GGT5: variants seen among roughly 807,000 people sequenced by gnomAD.
GGT5 encodes gamma-glutamyltransferase 5.
A neutral mutation model predicts 58.1 loss-of-function variants in GGT5; 50 were observed. That is an observed-to-expected ratio of 0.86 (90% CI 0.69 to 1.09). The LOEUF (loss-of-function observed/expected upper bound fraction) is 1.09. Among genes scored for constraint, GGT5 ranks in the 50% least tolerant of loss-of-function variants. GGT5 has a pLI of 0.00. For missense variants in GGT5, 800 were observed against 789.4 expected, an observed-to-expected ratio of 1.01 and a Z score of -0.16; for synonymous variants, 370 against 346.1, an observed-to-expected ratio of 1.07 and a Z score of -0.77.
rs2048205675 is a variant in GGT5, at chr22:24,238,828, TA to T, written c.174-4825del. 9.0e-4 allele frequency among the ~76,000 whole-genome samples: 10 copies of T among 11,148 alleles called. 2 individuals carry two copies. The highest frequency in any genetic ancestry group is 2.4e-3 in the South Asian group (1 of 410). 7.3% of individuals were successfully genotyped at this position (11,148 alleles called of 152,430 possible). A position where few individuals can be genotyped will look rare whatever the true frequency, so the allele number is the denominator to read the frequency against. On this transcript the variant is annotated intron_variant, in intron 1 of 11. Transcript: ENST00000327365. ...ATATAATATATTATATATATATATA[TA>T]TATTTATATATATATATTATATATA...
chr22:24,243,630 C>T (rs28581334), intron 1 of GGT5: 9,719 of 152,396 alleles, frequency 0.064, 1,051 homozygotes, highest in African/African-American at 0.22. Flanking sequence ...GGAGGCTTGC[C>T]CTGGCTTTTG....
At chr22:24,233,461 TG>T in intron 3 of GGT5, 36 bp downstream of exon 3, 22 of 1,202,774 alleles carry the variant, frequency 1.8e-5, no homozygotes, top group East Asian at 7.1e-5. Flanking sequence ...CCTAGTGGCC[TG>T]GGGGGTGGGA....
At position 24,238,853 on chromosome 22, in the gene GGT5, T is replaced by C. The variant is rs1325047788; in HGVS notation, c.174-4849A>G. On this transcript the variant is annotated intron_variant, in intron 1 of 11. Coordinates refer to ENST00000327365, the MANE Select transcript of GGT5 (RefSeq NM_004121.5). ...TATATTTATATATATATATTATATA[T>C]ATTATATATATAATATATATAATAT... 4.5e-3 allele frequency among the ~76,000 whole-genome samples: 65 copies of C among 14,298 alleles called. 9 individuals carry two copies. The highest frequency in any genetic ancestry group is 0.056 in the Middle Eastern group (1 of 18). The allele number at this position is 14,298 out of a possible 152,430, so 9.4% of individuals were successfully genotyped here.
intron 1 of GGT5, among the ~76,000 whole-genome samples, chr22:24,235,494 A>T (rs952235124): frequency 2.6e-5 from 4 of 152,032 alleles, no homozygotes; most frequent in Non-Finnish European, 5.9e-5. Flanking sequence ...GTCCTGACCT[A>T]GCATGTCCAT....
At chr22:24,221,450 G>A (rs558194685) in intron 11 of GGT5, among the ~76,000 whole-genome samples, 1 of 152,222 alleles carries the variant, frequency 6.6e-6, no homozygotes, top group African/African-American at 2.4e-5. Context: ...CCCCACCCAG[G>A]AACGGACTCA....
rs1382703044 is a variant in GGT5 at position 24,228,064 on chromosome 22, A to C, written c.902-1297T>G. The stretch of plus-strand genomic sequence containing the variant: ...ACTCTGTCTCAAAAAAAAAAAAAAA[A>C]AACAAAACAAAAAAAAAAAAACTCT... On this transcript the variant is annotated intron_variant, in intron 6 of 11. Coordinates refer to ENST00000327365, the MANE Select transcript of GGT5 (RefSeq NM_004121.5). 1.1e-3 allele frequency among the ~76,000 whole-genome samples: 96 copies of C among 90,494 alleles called. 2 individuals carry two copies. Among genetic ancestry groups the C allele is most frequent in the South Asian group, 1.8e-3 (6 of 3,298 alleles). 59.4% of individuals were successfully genotyped at this position (90,494 alleles called of 152,430 possible). A position where few individuals can be genotyped will look rare whatever the true frequency, so the allele number is the denominator to read the frequency against.
chr22:24,236,396 C>G (rs187939045), intron 1 of GGT5, among the ~76,000 whole-genome samples: 2 of 152,200 alleles, frequency 1.3e-5, no homozygotes, highest in East Asian at 1.9e-4. Context: ...CCACCAACCT[C>G]TCTCAGCTGG....
Position 24,228,060 on chromosome 22 carries a change from A to C in GGT5, c.902-1293T>G, listed in dbSNP as rs1308666017. Among the ~76,000 whole-genome samples the C allele has an allele frequency of 2.4e-4, 31 of 130,892 alleles. 1 individual carries two copies. The highest frequency in any genetic ancestry group is 8.5e-4 in the Admixed American group (11 of 12,954). 85.9% of individuals were successfully genotyped at this position (130,892 alleles called of 152,430 possible). On this transcript the variant is annotated intron_variant, in intron 6 of 11. Transcript: ENST00000327365. ...CAAGACTCTGTCTCAAAAAAAAAAA[A>C]AAAAAACAAAACAAAAAAAAAAAAA...
In GGT5 at chr22:24,228,059, A is replaced by C. The variant is rs1268767713; in HGVS notation, c.902-1292T>G. Among the ~76,000 whole-genome samples, 222 of 129,496 alleles carry C rather than the reference A, an allele frequency of 1.7e-3. 9 individuals carry two copies. The highest frequency in any genetic ancestry group is 4.8e-3 in the Admixed American group (63 of 13,104). 85.0% of individuals were successfully genotyped at this position (129,496 alleles called of 152,430 possible). Reference sequence around the variant, plus strand: ...GCAAGACTCTGTCTCAAAAAAAAAAAAAAAAAACAAAACAAAAAAAAAAAA... The same window carrying C: ...GCAAGACTCTGTCTCAAAAAAAAAACAAAAAAACAAAACAAAAAAAAAAAA... On this transcript the variant is annotated intron_variant, in intron 6 of 11. Coordinates refer to ENST00000327365, the MANE Select transcript of GGT5 (RefSeq NM_004121.5).
intron 2 of GGT5, 76 bp downstream of exon 2, chr22:24,233,798 G>T: frequency 1.4e-6 from 2 of 1,411,004 alleles, no homozygotes; most frequent in Non-Finnish European, 1.0e-6. Context: ...TGAGTTGATG[G>T]GACTGGCTGG....
chr22:24,234,442 C>G lies in GGT5; in HGVS notation c.174-438G>C, dbSNP rs576321689. On this transcript the variant is annotated intron_variant, in intron 1 of 11. Transcript: ENST00000327365. ...TCAAGGCTGGCCTTTGGCAGGTGAT[C>G]CCAGGATCCTTCCCTGCCAGCAGGG... is the stretch of plus-strand genomic sequence containing the variant. Among the ~76,000 whole-genome samples, 3 of 152,306 alleles carry G rather than the reference C, an allele frequency of 2.0e-5. No individual in the cohort carries two copies. The East Asian group carries it at 5.8e-4, about 29-fold the overall frequency.
intron 11 of GGT5, among the ~76,000 whole-genome samples, chr22:24,222,858 A>G (rs2045639558): frequency 6.6e-6 from 1 of 152,060 alleles, no homozygotes; most frequent in Non-Finnish European, 1.5e-5. Flanking sequence ...CGGGCGGATC[A>G]CAAGGTCAGG....
In GGT5 at chr22:24,244,054, G is replaced by A. The variant is rs550279267; in HGVS notation, c.173+499C>T. 4.9e-4 allele frequency: 78 copies of A among 159,314 alleles called. 1 individual carries two copies. The highest frequency in any genetic ancestry group is 3.2e-3 in the Middle Eastern group (1 of 308). 9.9% of individuals were successfully genotyped at this position (159,314 alleles called of 1,614,324 possible). On this transcript the variant is annotated intron_variant, in intron 1 of 11. Transcript: ENST00000327365. ...TGGCCTCACTGAAGGGGCCTGCACCGGCCAGCAGGGTCAGGCGGGGCCAGA... is the reference window on the plus strand; with the variant it reads ...TGGCCTCACTGAAGGGGCCTGCACCAGCCAGCAGGGTCAGGCGGGGCCAGA...
rs369330253 is a variant in GGT5, at chr22:24,244,565, G to C, written c.161C>G (p.Ser54Trp). Residue 54 changes from serine (S) to tryptophan (W), a missense_variant, in exon 1 of 12, where the codon TCG becomes TGG. Ser to Trp is a radical substitution (Grantham distance 177, BLOSUM62 -3). Coordinates refer to ENST00000327365, the MANE Select transcript of GGT5 (RefSeq NM_004121.5). ...ACGTCTCACTCACCGTCCAATATCC[G>C]AGCAGACCTTGGAGTCGGCGGCAAC... is the stretch of plus-strand genomic sequence containing the variant. ...AAVAADSKVC[S>W]DIGRAILQQQ... 7 of 1,611,830 alleles carry C rather than the reference G, an allele frequency of 4.3e-6. No homozygotes were observed. Among genetic ancestry groups the C allele is most frequent in the Non-Finnish European group, 5.9e-6 (7 of 1,179,710 alleles).
intron 6 of GGT5, among the ~76,000 whole-genome samples, chr22:24,227,926 G>A (rs1569358484): frequency 1.3e-5 from 2 of 151,534 alleles, no homozygotes; most frequent in African/African-American, 2.4e-5. Flanking sequence ...GTGGGTGCCT[G>A]TAACCCCAGC....
Position 24,220,433 on chromosome 22 carries a change from C to G in GGT5, c.1615-317G>C, listed in dbSNP as rs1381508591. The G allele has an allele frequency of 3.7e-5, 19 of 514,752 alleles. 1 individual carries two copies. Among genetic ancestry groups the G allele is most frequent in the South Asian group, 2.9e-4 (19 of 65,014 alleles). 31.9% of individuals were successfully genotyped at this position (514,752 alleles called of 1,614,324 possible). A position where few individuals can be genotyped will look rare whatever the true frequency, so the allele number is the denominator to read the frequency against. On this transcript the variant is annotated intron_variant, in intron 11 of 11. Transcript: ENST00000327365. ...TGCAAATCTGAGTTCAGGGGGCCTT[C>G]GATGGAGGATGTGGCTTCTCAAGAT...
intron 1 of GGT5, chr22:24,242,541 G>C (rs905247029): frequency 1.3e-5 from 2 of 152,282 alleles, no homozygotes; most frequent in Non-Finnish European, 2.9e-5. Flanking sequence ...AGGTTGCAGC[G>C]AGCCGAGATC....
chr22:24,244,356 T>C (rs1569379178), intron 1 of GGT5, 197 bp downstream of exon 1: 35 of 552,244 alleles, frequency 6.3e-5, no homozygotes, highest in Non-Finnish European at 5.8e-5. Flanking sequence ...ATCACACACA[T>C]TCACACACAC....
Position 24,220,022 on chromosome 22 carries a change from C to T in GGT5, c.1709G>A (p.Cys570Tyr). 6.2e-7 allele frequency: 1 copy of T among 1,614,136 alleles called. No individual in the cohort carries two copies. The highest frequency in any genetic ancestry group is 2.2e-5 in the East Asian group (1 of 44,884). The change falls in exon 12 of 12, where the codon TGT becomes TAT. Residue 570 changes from cysteine to tyrosine, a missense_variant. By Grantham distance (194) the Cys-to-Tyr change is radical. Coordinates refer to ENST00000327365, the MANE Select transcript of GGT5 (RefSeq NM_004121.5). Reference sequence around the variant, plus strand: ...CCTCAGGTCCGAGACGGCGTACACACAGGCCCCCTCCTGGGACACAGCCTG... The same window carrying T: ...CCTCAGGTCCGAGACGGCGTACACATAGGCCCCCTCCTGGGACACAGCCTG... Reference protein sequence around the residue: ...VVQAVSQEGACVYAVSDLRKS... With the variant: ...VVQAVSQEGAYVYAVSDLRKS...
Sources: allele counts gnomAD v4.1 joint callset (sites outside exome capture counted in the v4.1 genomes callset), GRCh38; gene constraint gnomAD v4.1.1; transcripts MANE v1.5; gene names NCBI Gene and HGNC (gene_info 2026-07-23, HGNC 2026-07-21).